The following TCF12 variants were observed in gnomAD, a reference collection of about 807,000 sequenced individuals.
The protein encoded by TCF12 is DNA-binding protein HTF4.
TCF12 carries 45 observed loss-of-function variants against 86.0 expected under a neutral mutation model. That is an observed-to-expected ratio of 0.52 (90% confidence interval 0.41 to 0.67). The LOEUF (loss-of-function observed/expected upper bound fraction) is 0.67. Among genes scored for constraint, TCF12 ranks in the 30% least tolerant of loss-of-function variants. The pLI is 0.00. For missense variants in TCF12, 881 were observed against 859.9 expected, an observed-to-expected ratio of 1.02 and a Z score of -0.31; for synonymous variants, 330 against 299.6, an observed-to-expected ratio of 1.10 and a Z score of -1.05.
chr15:57,118,914 G>C (rs2051025395), intron 5 of TCF12, among the ~76,000 whole-genome samples: 1 of 152,116 alleles, frequency 6.6e-6, no homozygotes, highest in Non-Finnish European at 1.5e-5. Context: ...TAAAAAGAAA[G>C]TGTTCAGATT....
chr15:57,077,363 G>A (rs1202377753), intron 4 of TCF12, among the ~76,000 whole-genome samples: 22 of 29,240 alleles, frequency 7.5e-4, no homozygotes, highest in African/African-American at 2.1e-3. Flanking sequence ...GTGTGTGTGT[G>A]TGTGTGTGTG....
chr15:57,252,101 G>A (rs986343205), intron 14 of TCF12: 24 of 249,660 alleles, frequency 9.6e-5, no homozygotes, highest in African/African-American at 3.8e-4. Flanking sequence ...GGAATGCTAA[G>A]TCATGCTCTT....
chr15:57,170,797 T>G (rs78828111), intron 6 of TCF12, among the ~76,000 whole-genome samples: 24,367 of 49,870 alleles, frequency 0.49, 6,282 homozygotes, highest in Non-Finnish European at 0.62. Flanking sequence ...ATATAATATA[T>G]ATATATAATT....
chr15:57,260,286 A>T (rs1247693086), intron 16 of TCF12, among the ~76,000 whole-genome samples: 2 of 152,224 alleles, frequency 1.3e-5, no homozygotes, highest in Admixed American at 1.3e-4. Context: ...TTAATAGTTG[A>T]GCTTTAAAAA....
intron 4 of TCF12, among the ~76,000 whole-genome samples, chr15:57,066,851 A>G (rs2068921495): frequency 6.6e-6 from 1 of 152,218 alleles, no homozygotes; most frequent in Non-Finnish European, 1.5e-5. Flanking sequence ...ATAGTTACAC[A>G]AAGTCATATT....
chr15:56,992,835 G>C (rs777981461), intron 3 of TCF12, among the ~76,000 whole-genome samples: 1 of 152,118 alleles, frequency 6.6e-6, no homozygotes. Flanking sequence ...TTAAATTACC[G>C]ATTATCTTTT....
intron 5 of TCF12, among the ~76,000 whole-genome samples, chr15:57,159,001 A>G (rs1282891911): frequency 6.6e-6 from 1 of 152,274 alleles, no homozygotes; most frequent in Non-Finnish European, 1.5e-5. Context: ...CTTTAAAAAC[A>G]AAAAATCTGG....
intron 3 of TCF12, among the ~76,000 whole-genome samples, chr15:56,978,615 T>C (rs2062735012): frequency 6.6e-6 from 1 of 152,226 alleles, no homozygotes; most frequent in South Asian, 2.1e-4. Flanking sequence ...TATTTGTCTA[T>C]ACCTCACATA....
intron 6 of TCF12, among the ~76,000 whole-genome samples, chr15:57,182,735 A>G (rs2056431725): frequency 6.6e-6 from 1 of 152,190 alleles, no homozygotes; most frequent in Non-Finnish European, 1.5e-5. Flanking sequence ...AAAAAGGTTT[A>G]TCAACACTAA....
At chr15:56,940,613 T>C (rs1204464965) in intron 3 of TCF12, among the ~76,000 whole-genome samples, 1 of 146,186 alleles carries the variant, frequency 6.8e-6, no homozygotes, top group African/African-American at 2.5e-5. Flanking sequence ...TCCTCCTTCT[T>C]CTCCCTCTCC....
At chr15:57,131,532 G>T (rs1008181542) in intron 5 of TCF12, among the ~76,000 whole-genome samples, 1 of 152,080 alleles carries the variant, frequency 6.6e-6, no homozygotes, top group Non-Finnish European at 1.5e-5. Context: ...GTAAACCAAA[G>T]GAATGGTTGT....
At chr15:57,262,350 T>C in intron 17 of TCF12, 142 bp downstream of exon 17, 1 of 681,550 alleles carries the variant, frequency 1.5e-6, no homozygotes, top group Non-Finnish European at 2.4e-6. Context: ...AGAGCAGATA[T>C]TTAGGGTTCC....
chr15:56,988,857 G>A (rs2063315306), intron 3 of TCF12, among the ~76,000 whole-genome samples: 1 of 152,092 alleles, frequency 6.6e-6, no homozygotes, highest in Non-Finnish European at 1.5e-5. Context: ...TTAACAGTGT[G>A]ATGTATAGGT....
chr15:57,153,134 T>C (rs1325854094), intron 5 of TCF12, among the ~76,000 whole-genome samples: 1 of 152,200 alleles, frequency 6.6e-6, no homozygotes, highest in East Asian at 1.9e-4. Flanking sequence ...TCTAGATATA[T>C]GAAAATCTGA....
chr15:57,135,335 CA>C (rs2052443292), intron 5 of TCF12, among the ~76,000 whole-genome samples: 1 of 152,032 alleles, frequency 6.6e-6, no homozygotes, highest in Non-Finnish European at 1.5e-5. Context: ...GAAAATTGTT[CA>C]AATGAAAACA....
chr15:57,010,084 T>G (rs1340058506), intron 3 of TCF12, among the ~76,000 whole-genome samples: 3 of 152,176 alleles, frequency 2.0e-5, no homozygotes, highest in Non-Finnish European at 4.4e-5. Flanking sequence ...CTCTTTACTC[T>G]GCATAACTGA....
chr15:56,980,169 G>C (rs1373163028), intron 3 of TCF12, among the ~76,000 whole-genome samples: 1 of 152,108 alleles, frequency 6.6e-6, no homozygotes, highest in Admixed American at 6.5e-5. Flanking sequence ...GACCAGCCTG[G>C]TCAACATAAA....
intron 6 of TCF12, among the ~76,000 whole-genome samples, chr15:57,179,655 G>GA: frequency 6.6e-6 from 1 of 152,254 alleles, no homozygotes; most frequent in Middle Eastern, 3.4e-3. Flanking sequence ...TTTTCAAGAG[G>GA]ATATGTTGAG....
At position 57,134,191 on chromosome 15, in the gene TCF12, A is replaced by G. The variant is rs148358959; in HGVS notation, c.326-32211A>G. The G allele has an allele frequency of 3.9e-5, 6 of 152,330 alleles. No individual in the cohort carries two copies. The East Asian group carries it at 7.7e-4, about 20-fold the overall frequency. 9.4% of individuals were successfully genotyped at this position (152,330 alleles called of 1,614,324 possible). ...CTTAGTCCTTTTTCATAATTGATCT[A>G]TTCATTCCACCTAATGACTAATTAC... is the stretch of plus-strand genomic sequence containing the variant. On this transcript the variant is annotated intron_variant, in intron 5 of 20. Transcript: ENST00000333725.
Sources: gnomAD v4.1 joint callset for allele counts (sites outside exome capture counted in the v4.1 genomes callset) on GRCh38, gnomAD v4.1.1 for gene constraint, MANE v1.5 for transcripts, NCBI Gene and HGNC (gene_info 2026-07-23, HGNC 2026-07-21) for gene names.